The following TMEM38B variants were observed in gnomAD, a reference collection of about 807,000 sequenced individuals.
TMEM38B encodes transmembrane protein 38B.
In TMEM38B, 24 loss-of-function variants were observed where a neutral mutation model predicts 28.7. That is an observed-to-expected ratio of 0.84 (90% CI 0.61 to 1.18). TMEM38B has a LOEUF of 1.18. Ranked by LOEUF, TMEM38B falls within the 50% of genes most tolerant of loss-of-function variation. The probability of loss-of-function intolerance (pLI) is 0.00; values close to 1 mark genes in which losing one functional copy is unlikely to be tolerated. For synonymous variants in TMEM38B, 131 were observed against 127.7 expected (o/e 1.03, Z -0.17); for missense variants, 380 against 350.9 (o/e 1.08, Z -0.66).
intron 1 of TMEM38B, among the ~76,000 whole-genome samples, chr9:105,698,972 A>G (rs1835372278): frequency 6.6e-6 from 1 of 152,154 alleles, no homozygotes; most frequent in Non-Finnish European, 1.5e-5. Context: ...GTAAATGTTT[A>G]CATTATATTG....
At chr9:105,697,066 A>G (rs1835314211) in intron 1 of TMEM38B, among the ~76,000 whole-genome samples, 1 of 152,242 alleles carries the variant, frequency 6.6e-6, no homozygotes, top group Non-Finnish European at 1.5e-5. Flanking sequence ...ATTTTTTAAA[A>G]GATGTAATTC....
intron 4 of TMEM38B, among the ~76,000 whole-genome samples, chr9:105,747,099 T>G (rs185778407): frequency 1.4e-3 from 212 of 152,324 alleles, no homozygotes; most frequent in African/African-American, 4.8e-3. Context: ...ATAAAATGAG[T>G]TAGAGAGGAT....
In TMEM38B at chr9:105,705,706, G is replaced by A. The variant is rs771503334; in HGVS notation, c.222G>A (p.Leu74=). ...GTCTACTGCTTGCAGAGCCTCCATT[G>A]AAGTTTCTTGCAAACCACACTAACA... ...LSCLLLAEPP[L]KFLANHTNIL... Residue 74 remains leucine, a synonymous_variant, in exon 2 of 6, where the codon TTG becomes TTA. Transcript: ENST00000374692. 1.2e-6 allele frequency: 2 copies of A among 1,613,934 alleles called. No individual in the cohort carries two copies. The highest frequency in any genetic ancestry group is 3.3e-5 in the Admixed American group (2 of 60,014).
chr9:105,742,843 A>G (rs1837254665), intron 4 of TMEM38B, among the ~76,000 whole-genome samples: 1 of 152,218 alleles, frequency 6.6e-6, no homozygotes, highest in South Asian at 2.1e-4. Context: ...TATCCTTTTA[A>G]ATTTTTAATT....
At chr9:105,721,790 T>G (rs1003446813) in intron 3 of TMEM38B, 69 bp downstream of exon 3, 9 of 1,191,370 alleles carry the variant, frequency 7.6e-6, no homozygotes, top group Non-Finnish European at 2.3e-6. Flanking sequence ...TACTGAACAA[T>G]TCTCTAGTTA....
At position 105,733,438 on chromosome 9, in the gene TMEM38B, C is replaced by T. The variant is rs1314552664; in HGVS notation, c.542+10817C>T. Among the ~76,000 whole-genome samples, 30 of 91,540 alleles carry T rather than the reference C, an allele frequency of 3.3e-4. No homozygotes were observed. The South Asian group carries it at 3.4e-3, about 10-fold the overall frequency. The allele number at this position is 91,540 out of a possible 152,430, so 60.1% of individuals were successfully genotyped here. A position where few individuals can be genotyped will look rare whatever the true frequency, so the allele number is the denominator to read the frequency against. On this transcript the variant is annotated intron_variant, in intron 4 of 5. Coordinates refer to ENST00000374692, the MANE Select transcript of TMEM38B (RefSeq NM_018112.3). Reference sequence around the variant, plus strand: ...TCTTTTTTCTTTTTTTTTTTTTTTGCGGTGTCTTTGTCTGTATTAGGCATG... The same window carrying T: ...TCTTTTTTCTTTTTTTTTTTTTTTGTGGTGTCTTTGTCTGTATTAGGCATG...
intron 2 of TMEM38B, 115 bp downstream of exon 2, chr9:105,705,868 A>T: frequency 4.5e-6 from 5 of 1,111,756 alleles, no homozygotes; most frequent in South Asian, 1.8e-5. Context: ...AAGTTAATGC[A>T]TCTGCAAGGA....
intron 5 of TMEM38B, among the ~76,000 whole-genome samples, chr9:105,771,683 C>A (rs1006415041): frequency 2.6e-5 from 4 of 152,066 alleles, no homozygotes; most frequent in African/African-American, 9.7e-5. Flanking sequence ...TAAAAAAGTC[C>A]TTAGATCTTA....
intron 2 of TMEM38B, chr9:105,710,889 C>T (rs557087713): frequency 2.8e-4 from 79 of 278,842 alleles, no homozygotes; most frequent in African/African-American, 1.2e-3. Flanking sequence ...CTATGGCAAC[C>T]GCCTCTTTTC....
In TMEM38B at chr9:105,776,513, C is replaced by A. The variant is rs191917283; in HGVS notation, c.*2433C>A. Reference sequence around the variant, plus strand: ...CTTTCCATTAAAATCTACTTCAAATCACAAGTTGATTACAATTGAGTGGAA... The same window carrying A: ...CTTTCCATTAAAATCTACTTCAAATAACAAGTTGATTACAATTGAGTGGAA... On this transcript the variant is annotated 3_prime_UTR_variant, in exon 6 of 6. Transcript: ENST00000374692. 2 of 152,044 alleles carry A rather than the reference C, an allele frequency of 1.3e-5. No individual in the cohort carries two copies. The highest frequency in any genetic ancestry group is 2.9e-5 in the Non-Finnish European group (2 of 68,010). The allele number at this position is 152,044 out of a possible 1,614,324, so 9.4% of individuals were successfully genotyped here. A position where few individuals can be genotyped will look rare whatever the true frequency, so the allele number is the denominator to read the frequency against.
intron 2 of TMEM38B, among the ~76,000 whole-genome samples, chr9:105,715,701 A>AT (rs536585370): frequency 2.7e-5 from 4 of 150,776 alleles, no homozygotes; most frequent in Non-Finnish European, 4.4e-5. Flanking sequence ...TTTGGAAATG[A>AT]TTTTTTTTCT....
intron 5 of TMEM38B, chr9:105,758,074 A>T: frequency 2.8e-6 from 1 of 355,448 alleles, no homozygotes; most frequent in Middle Eastern, 6.2e-4. Flanking sequence ...CGGCAGGGCC[A>T]GTGGTTGTGC....
At chr9:105,750,453 A>G (rs1470478652) in intron 5 of TMEM38B, among the ~76,000 whole-genome samples, 1 of 152,062 alleles carries the variant, frequency 6.6e-6, no homozygotes, top group Non-Finnish European at 1.5e-5. Flanking sequence ...GTGAAACCCC[A>G]TCTCTACTAA....
intron 4 of TMEM38B, among the ~76,000 whole-genome samples, chr9:105,729,716 A>C (rs909938352): frequency 6.6e-6 from 1 of 152,130 alleles, no homozygotes; most frequent in South Asian, 2.1e-4. Flanking sequence ...CCCATGAGCA[A>C]GGAATGTTCT....
At chr9:105,716,670 C>T (rs1464462331) in intron 2 of TMEM38B, among the ~76,000 whole-genome samples, 2 of 152,166 alleles carry the variant, frequency 1.3e-5, no homozygotes, top group Non-Finnish European at 2.9e-5. Flanking sequence ...TCTGCCTCTG[C>T]CACCCCTGAG....
At chr9:105,753,922 T>C (rs1243942862) in intron 5 of TMEM38B, among the ~76,000 whole-genome samples, 1 of 152,112 alleles carries the variant, frequency 6.6e-6, no homozygotes, top group African/African-American at 2.4e-5. Context: ...AAGAAACCCA[T>C]ATTCCATGCA....
At chr9:105,736,142 G>T (rs143256269) in intron 4 of TMEM38B, among the ~76,000 whole-genome samples, 2 of 148,838 alleles carry the variant, frequency 1.3e-5, no homozygotes, top group African/African-American at 5.0e-5. Flanking sequence ...CTCTCATTTT[G>T]GCTTTCCAGA....
intron 4 of TMEM38B, among the ~76,000 whole-genome samples, chr9:105,729,743 C>T (rs1263187903): frequency 6.6e-6 from 1 of 151,976 alleles, no homozygotes; most frequent in Non-Finnish European, 1.5e-5. Context: ...TGTTTGTGTC[C>T]TCTTTTATTT....
chr9:105,770,811 G>A (rs1007460079), intron 5 of TMEM38B, among the ~76,000 whole-genome samples: 6 of 152,114 alleles, frequency 3.9e-5, no homozygotes, highest in Non-Finnish European at 8.8e-5. Flanking sequence ...ACAGGAAGAA[G>A]TATGTTCTGG....
Sources: gnomAD v4.1 joint callset for allele counts (sites outside exome capture counted in the v4.1 genomes callset) on GRCh38, gnomAD v4.1.1 for gene constraint, MANE v1.5 for transcripts, NCBI Gene and HGNC (gene_info 2026-07-23, HGNC 2026-07-21) for gene names.